WFDC9: variants seen among roughly 807,000 people sequenced by gnomAD.
WFDC9 encodes the protein WAP four-disulfide core domain 9, also known as protein WFDC9.
WFDC9 carries 9 observed loss-of-function variants against 9.5 expected under a neutral mutation model. That is an observed-to-expected ratio of 0.95 (90% CI 0.57 to 1.65). The LOEUF is 1.65. Among genes scored for constraint, WFDC9 ranks in the 40% most tolerant of loss-of-function variants. The pLI is 0.00. For synonymous variants in WFDC9, 33 were observed against 32.3 expected (o/e 1.02, Z -0.07); for missense variants, 87 against 106.7 (o/e 0.82, Z 0.81).
intron 2 of WFDC9, among the ~76,000 whole-genome samples, chr20:45,610,598 T>C (rs950950478): frequency 1.3e-5 from 2 of 152,218 alleles, no homozygotes; most frequent in African/African-American, 4.8e-5. Context: ...TTTTATGAAA[T>C]TGGACACATC....
rs538395822 is a variant in WFDC9, at chr20:45,623,588, C to T, written c.-153+7615G>A. ...GTTGCAGTGAGCCGAGATCATGCCA[C>T]TTCACTCCAGCCTGGGCAACAAGAG... On this transcript the variant is annotated intron_variant, in intron 1 of 4. Coordinates refer to ENST00000326000, the MANE Select transcript of WFDC9 (RefSeq NM_147198.4). Among the ~76,000 whole-genome samples the T allele has an allele frequency of 2.2e-3, 340 of 151,516 alleles. 1 individual carries two copies. Among genetic ancestry groups the T allele is most frequent in the Admixed American group, 5.9e-3 (90 of 15,232 alleles).
chr20:45,625,833 T>TTTTTTTTTTTTTTTTTTTTA (rs71181835), intron 1 of WFDC9, among the ~76,000 whole-genome samples: 1 of 140,680 alleles, frequency 7.1e-6, no homozygotes, highest in African/African-American at 2.7e-5. Context: ...TTTTTTTTTT[T>TTTTTTTTTTTTTTTTTTTTA]GAGACAGAGT....
chr20:45,617,604 C>T (rs1982000887), intron 1 of WFDC9, among the ~76,000 whole-genome samples: 1 of 152,216 alleles, frequency 6.6e-6, no homozygotes, highest in African/African-American at 2.4e-5. Context: ...AAGCGATCCT[C>T]CTTCCTCATC....
At chr20:45,623,638 A>G (rs556764675) in intron 1 of WFDC9, among the ~76,000 whole-genome samples, 28 of 152,036 alleles carry the variant, frequency 1.8e-4, no homozygotes, top group African/African-American at 6.8e-4. Context: ...AAAAAAAAAA[A>G]AGTTTTTAAA....
intron 1 of WFDC9, chr20:45,629,788 A>G (rs1434431595): frequency 1.9e-6 from 3 of 1,610,110 alleles, no homozygotes; most frequent in Middle Eastern, 1.6e-4. Context: ...CTGGCCAGAC[A>G]TAGGGCTCAC....
rs1419955516 is a variant in WFDC9, at chr20:45,608,798, A to G, written c.104T>C (p.Ile35Thr). ...TACCCAGCACTGCTCAGTTTCTCTT[A>G]TCATATCTAGAACTGAGATGGAAGA... ...FWNKDPFLDM[I>T]RETEQCWVQP... Residue 35 changes from isoleucine (I) to threonine (T), a missense_variant, in exon 4 of 5, where the codon ATA (isoleucine) becomes ACA (threonine). Ile to Thr is a moderately conservative substitution (Grantham distance 89, BLOSUM62 -1). Coordinates refer to ENST00000326000, the MANE Select transcript of WFDC9 (RefSeq NM_147198.4). 16 of 1,612,112 alleles carry G rather than the reference A, an allele frequency of 9.9e-6. No individual in the cohort carries two copies. Among genetic ancestry groups the G allele is most frequent in the Non-Finnish European group, 1.4e-5 (16 of 1,179,214 alleles).
At position 45,614,199 on chromosome 20, in the gene WFDC9, C is replaced by A. The variant is rs115130555; in HGVS notation, c.-59+429G>T. Among the ~76,000 whole-genome samples the A allele has an allele frequency of 3.1e-3, 469 of 152,228 alleles. 5 individuals are homozygous for A. The highest frequency in any genetic ancestry group is 0.011 in the African/African-American group (456 of 41,524). ...GATGCCTAGTCTCCTGTTTTGCACA[C>A]CCTCAAGTGTACTAAATGATCCCAG... On this transcript the variant is annotated intron_variant, in intron 2 of 4. Transcript: ENST00000326000.
intron 1 of WFDC9, chr20:45,629,675 T>G: frequency 1.8e-6 from 2 of 1,117,570 alleles, no homozygotes; most frequent in South Asian, 3.2e-5. Flanking sequence ...ACTCTCTTGC[T>G]CTGCTCCGAC....
chr20:45,622,337 T>TA (rs1982120266), intron 1 of WFDC9, among the ~76,000 whole-genome samples: 1 of 152,216 alleles, frequency 6.6e-6, no homozygotes, highest in Admixed American at 6.5e-5. Context: ...TGTGGCTAGA[T>TA]ATGCAAGTTT....
intron 1 of WFDC9, among the ~76,000 whole-genome samples, chr20:45,616,757 C>A (rs1258366156): frequency 6.6e-6 from 1 of 152,092 alleles, no homozygotes; most frequent in African/African-American, 2.4e-5. Context: ...CTTGAGTGAC[C>A]AAAATCTTTT....
intron 1 of WFDC9, among the ~76,000 whole-genome samples, chr20:45,615,537 T>C (rs1264217433): frequency 6.6e-6 from 1 of 152,166 alleles, no homozygotes; most frequent in South Asian, 2.1e-4. Flanking sequence ...AAAAAGGTAA[T>C]ATTGCAATAA....
chr20:45,624,037 C>G (rs1489663137), intron 1 of WFDC9, among the ~76,000 whole-genome samples: 1 of 152,010 alleles, frequency 6.6e-6, no homozygotes, highest in Non-Finnish European at 1.5e-5. Flanking sequence ...ACTAAAAATA[C>G]AAAAATTAGC....
chr20:45,623,152 A>T (rs6073821), intron 1 of WFDC9, among the ~76,000 whole-genome samples: 1 of 152,052 alleles, frequency 6.6e-6, no homozygotes, highest in South Asian at 2.1e-4. Flanking sequence ...ATGGTCATAC[A>T]GTTATTCACC....
chr20:45,609,191 C>T (rs1223129465), intron 3 of WFDC9, among the ~76,000 whole-genome samples: 7 of 151,650 alleles, frequency 4.6e-5, no homozygotes, highest in African/African-American at 1.7e-4. Context: ...TAGAAACTTA[C>T]TTTTTTTCCC....
chr20:45,609,234 T>C (rs1258264470), intron 3 of WFDC9, among the ~76,000 whole-genome samples: 2 of 151,688 alleles, frequency 1.3e-5, no homozygotes, highest in Non-Finnish European at 2.9e-5. Flanking sequence ...GACAGAGTCT[T>C]GCCCTGTCGC....
chr20:45,620,736 T>A (rs1410806781), intron 1 of WFDC9, among the ~76,000 whole-genome samples: 1 of 152,230 alleles, frequency 6.6e-6, no homozygotes, highest in African/African-American at 2.4e-5. Flanking sequence ...GTATAAAATA[T>A]TCTTGTCTAA....
chr20:45,627,598 TAAAGGATATCAC>T (rs1440252951), intron 1 of WFDC9, among the ~76,000 whole-genome samples: 1 of 152,148 alleles, frequency 6.6e-6, no homozygotes, highest in Non-Finnish European at 1.5e-5. Flanking sequence ...TTTTGAATTA[TAAAGGATATCAC>T]AAAGGATACA....
intron 1 of WFDC9, among the ~76,000 whole-genome samples, chr20:45,622,652 T>C (rs140891521): frequency 6.6e-6 from 1 of 152,354 alleles, no homozygotes; most frequent in East Asian, 1.9e-4. Context: ...TGCTGTCATG[T>C]ACATTTTCTC....
At chr20:45,629,686 T>G (rs1982307264) in intron 1 of WFDC9, 2 of 1,216,790 alleles carry the variant, frequency 1.6e-6, no homozygotes, top group Middle Eastern at 3.9e-4. Flanking sequence ...CTGCTCCGAC[T>G]TGGCCAGTAG....
Sources: gnomAD v4.1 joint callset for allele counts (sites outside exome capture counted in the v4.1 genomes callset) on GRCh38, gnomAD v4.1.1 for gene constraint, MANE v1.5 for transcripts, NCBI Gene and HGNC (gene_info 2026-07-23, HGNC 2026-07-21) for gene names.